The following BZW2 variants were observed in gnomAD, a reference collection of about 807,000 sequenced individuals.
BZW2 encodes the protein basic leucine zipper and W2 domains 2.
Under a neutral mutation model 53.2 loss-of-function variants are expected in BZW2, and 23 were observed. The ratio of observed to expected loss-of-function variants is 0.43; its 90% CI spans 0.31 to 0.61. BZW2 has a LOEUF of 0.61. Among genes scored for constraint, BZW2 ranks in the 20% least tolerant of loss-of-function variants. The pLI, the probability that BZW2 is intolerant of heterozygous loss-of-function variation, is 0.09. For missense variants in BZW2, 409 were observed against 503.1 expected, an observed-to-expected ratio of 0.81 and a Z score of 1.79; for synonymous variants, 227 against 186.4, an observed-to-expected ratio of 1.22 and a Z score of -1.77.
intron 2 of BZW2, among the ~76,000 whole-genome samples, chr7:16,673,103 C>G (rs1030423952): frequency 6.6e-6 from 1 of 152,054 alleles, no homozygotes; most frequent in Admixed American, 6.6e-5. Context: ...CCCGCCACCA[C>G]CCCTGGCTAA....
intron 2 of BZW2, among the ~76,000 whole-genome samples, chr7:16,668,842 T>C (rs1319863709): frequency 1.3e-5 from 2 of 152,370 alleles, no homozygotes; most frequent in East Asian, 1.9e-4. Context: ...CAGATTCTCT[T>C]TTCCTTTATG....
chr7:16,655,187 A>G (rs914897100), intron 1 of BZW2, among the ~76,000 whole-genome samples: 3 of 152,184 alleles, frequency 2.0e-5, no homozygotes, highest in African/African-American at 7.2e-5. Context: ...CTCATCATTG[A>G]GTATAGTCAA....
chr7:16,686,258 A>G (rs1368080563), intron 6 of BZW2: 1 of 588,418 alleles, frequency 1.7e-6, no homozygotes, highest in Non-Finnish European at 2.8e-6. Context: ...ACACCTGTAC[A>G]AAGACATATT....
At chr7:16,687,022 A>G (rs796927896) in intron 6 of BZW2, 11 of 152,290 alleles carry the variant, frequency 7.2e-5, no homozygotes, top group African/African-American at 2.6e-4. Context: ...GAAAGTCAAC[A>G]TAGAATATAA....
intron 1 of BZW2, among the ~76,000 whole-genome samples, chr7:16,647,902 C>A (rs913385687): frequency 1.3e-5 from 2 of 152,208 alleles, no homozygotes; most frequent in African/African-American, 4.8e-5. Flanking sequence ...ACTTGAAGGT[C>A]ACACCTGTTT....
chr7:16,660,254 A>T (rs1782219549), intron 1 of BZW2, among the ~76,000 whole-genome samples: 1 of 152,006 alleles, frequency 6.6e-6, no homozygotes, highest in African/African-American at 2.4e-5. Context: ...CTCTATCAAA[A>T]TATATAAAAA....
intron 1 of BZW2, among the ~76,000 whole-genome samples, chr7:16,646,585 A>G (rs1781869177): frequency 6.6e-6 from 1 of 152,148 alleles, no homozygotes; most frequent in African/African-American, 2.4e-5. Flanking sequence ...TGGCGGGTGC[A>G]CATGGTCTCG....
rs778452191 is a variant in BZW2 at position 16,686,045 on chromosome 7, C to T, written c.541+5C>T. 7.4e-6 allele frequency: 12 copies of T among 1,611,824 alleles called. No individual in the cohort carries two copies. Among genetic ancestry groups the T allele is most frequent in the Middle Eastern group, 1.6e-4 (1 of 6,080 alleles). ...CCGACAGCTTAGTCAAAGAAGGTAA[C>T]GAGGCTCCTGTTTTCTCGCCTGTCA... is the stretch of plus-strand genomic sequence containing the variant. On this transcript the variant is annotated splice_donor_5th_base_variant and intron_variant, in intron 6 of 11. Coordinates refer to ENST00000258761, the MANE Select transcript of BZW2 (RefSeq NM_014038.3).
chr7:16,703,332 A>G (rs572883972), intron 10 of BZW2, among the ~76,000 whole-genome samples: 13 of 152,324 alleles, frequency 8.5e-5, no homozygotes, highest in African/African-American at 2.9e-4. Context: ...TTTCATAAAC[A>G]AATCATGTTC....
chr7:16,672,869 CAT>C (rs1337723269), intron 2 of BZW2, among the ~76,000 whole-genome samples: 24 of 151,266 alleles, frequency 1.6e-4, no homozygotes, highest in South Asian at 1.2e-3. Context: ...TCTGCAGACT[CAT>C]GTGTCCATTT....
At chr7:16,703,307 T>A (rs1015187498) in intron 10 of BZW2, among the ~76,000 whole-genome samples, 1 of 152,148 alleles carries the variant, frequency 6.6e-6, no homozygotes, top group African/African-American at 2.4e-5. Context: ...CATGTTTTTT[T>A]AAAAAACCTT....
intron 10 of BZW2, 22 bp from the exon 11 acceptor site, chr7:16,704,525 A>G: frequency 6.6e-7 from 1 of 1,503,908 alleles, no homozygotes; most frequent in Non-Finnish European, 9.0e-7. Flanking sequence ...GTAACTTTGA[A>G]ATCTTTGATT....
chr7:16,681,428 A>G (rs1782942657), intron 4 of BZW2, 24 bp downstream of exon 4: 1 of 1,588,824 alleles, frequency 6.3e-7, no homozygotes, highest in East Asian at 2.2e-5. Context: ...GAGAGACTGA[A>G]GCATTTGAAG....
At chr7:16,680,854 C>T (rs995922308) in intron 3 of BZW2, among the ~76,000 whole-genome samples, 6 of 152,002 alleles carry the variant, frequency 3.9e-5, no homozygotes, top group Admixed American at 2.0e-4. Context: ...ACCTGTAATC[C>T]CAGCACTTTG....
chr7:16,695,975 A>T (rs987279410), intron 8 of BZW2: 1 of 152,232 alleles, frequency 6.6e-6, no homozygotes, highest in Non-Finnish European at 1.5e-5. Context: ...ATGCTTGTAG[A>T]TGCCAGGATG....
rs753174373 is a variant in BZW2, at chr7:16,698,079, C to G, written c.1001C>G (p.Ser334Cys). ...QYAPLLAVFS[S>C]QGQSELILLQ... ...GCTCCCCTGCTGGCCGTGTTCAGCTCCCAAGGCCAGTCAGAGCTGATCCTC... is the reference window on the plus strand; with the variant it reads ...GCTCCCCTGCTGGCCGTGTTCAGCTGCCAAGGCCAGTCAGAGCTGATCCTC... The change falls in exon 10 of 12, where the codon TCC becomes TGC. Residue 334 changes from serine to cysteine, a missense_variant. Around this residue, in one of 3 missense-constraint regions of BZW2, gnomAD observed 88 missense variants for 114.6 expected, o/e 0.77. Transcript: ENST00000258761. The G allele has an allele frequency of 8.1e-6, 13 of 1,614,154 alleles. No individual in the cohort carries two copies. The highest frequency in any genetic ancestry group is 8.5e-6 in the Non-Finnish European group (10 of 1,179,998).
intron 4 of BZW2, 26 bp from the exon 5 acceptor site, chr7:16,682,754 A>T: frequency 6.7e-7 from 1 of 1,486,002 alleles, no homozygotes; most frequent in African/African-American, 1.5e-5. Context: ...GGTTGACCTA[A>T]TATTTAATGG....
chr7:16,705,663 C>G (rs1346228334), intron 11 of BZW2, among the ~76,000 whole-genome samples: 2 of 104,590 alleles, frequency 1.9e-5, no homozygotes, highest in Admixed American at 2.5e-4. Context: ...CCAGGCTGGG[C>G]AACAGAGTGA....
chr7:16,678,585 A>G (rs1190864428), intron 3 of BZW2, among the ~76,000 whole-genome samples: 1 of 152,176 alleles, frequency 6.6e-6, no homozygotes, highest in Non-Finnish European at 1.5e-5. Context: ...TAAAAAACAT[A>G]CCTCTCAAAA....
Sources: allele counts gnomAD v4.1 joint callset (sites outside exome capture counted in the v4.1 genomes callset), GRCh38; gene constraint gnomAD v4.1.1; regional missense constraint gnomAD v4.1.1; transcripts MANE v1.5; gene names NCBI Gene and HGNC (gene_info 2026-07-23, HGNC 2026-07-21).